KIF6: variants seen among roughly 807,000 people sequenced by gnomAD.
KIF6 encodes the protein kinesin-like protein KIF6.
In KIF6, 106 loss-of-function variants were observed where a neutral mutation model predicts 112.7. That is an observed-to-expected ratio of 0.94 (90% CI 0.80 to 1.11). The LOEUF is 1.11. Among genes scored for constraint, KIF6 ranks in the 50% least tolerant of loss-of-function variants. The pLI, the probability that KIF6 is intolerant of heterozygous loss-of-function variation, is 0.00. For synonymous variants in KIF6, 339 were observed against 339.9 expected, an observed-to-expected ratio of 1.00 and a Z score of 0.03; for missense variants, 929 against 964.0, an observed-to-expected ratio of 0.96 and a Z score of 0.48.
At chr6:39,602,991 C>G (rs958241592) in intron 6 of KIF6, among the ~76,000 whole-genome samples, 4 of 152,044 alleles carry the variant, frequency 2.6e-5, no homozygotes, top group Non-Finnish European at 5.9e-5. Context: ...AACCCTGGAA[C>G]AATCCAAAAA....
chr6:39,386,764 G>A (rs950532571), intron 15 of KIF6, among the ~76,000 whole-genome samples: 2 of 152,120 alleles, frequency 1.3e-5, no homozygotes, highest in African/African-American at 4.8e-5. Flanking sequence ...AAGGAGGGGT[G>A]AAACAGCAGC....
chr6:39,369,039 C>T (rs1466197588), intron 16 of KIF6, among the ~76,000 whole-genome samples: 1 of 152,220 alleles, frequency 6.6e-6, no homozygotes, highest in Non-Finnish European at 1.5e-5. Flanking sequence ...GCTCAGCTGT[C>T]TCACACAACC....
chr6:39,334,525 G>A lies in KIF6; in HGVS notation c.*2007C>T, dbSNP rs1477225379. The A allele has an allele frequency of 1.3e-5, 2 of 152,232 alleles. No homozygotes were observed. The highest frequency in any genetic ancestry group is 2.9e-5 in the Non-Finnish European group (2 of 68,200). 9.4% of individuals were successfully genotyped at this position (152,232 alleles called of 1,614,324 possible). ...AGCCCAGGAGTTGGAGGCTGAGTAT[G>A]GCTTGAGCCCAGGAGTTGGAGGCTG... is the stretch of plus-strand genomic sequence containing the variant. On this transcript the variant is annotated 3_prime_UTR_variant, in exon 23 of 23. Transcript: ENST00000287152.
chr6:39,668,162 T>C (rs1467940242), intron 3 of KIF6, among the ~76,000 whole-genome samples: 3 of 152,208 alleles, frequency 2.0e-5, no homozygotes, highest in African/African-American at 4.8e-5. Flanking sequence ...GTGAGCCAAA[T>C]TGATCTTGTC....
chr6:39,592,326 T>A (rs1420996770), intron 7 of KIF6, among the ~76,000 whole-genome samples: 1 of 152,170 alleles, frequency 6.6e-6, no homozygotes, highest in African/African-American at 2.4e-5. Context: ...TTAAAGACTT[T>A]AAACAAAAAA....
At chr6:39,497,179 A>C (rs1234707672) in intron 13 of KIF6, among the ~76,000 whole-genome samples, 1 of 152,244 alleles carries the variant, frequency 6.6e-6, no homozygotes, top group East Asian at 1.9e-4. Flanking sequence ...CCAGCCTGCC[A>C]AAATGTCAGC....
chr6:39,416,513 T>C (rs1769932804), intron 15 of KIF6, among the ~76,000 whole-genome samples: 1 of 152,192 alleles, frequency 6.6e-6, no homozygotes, highest in African/African-American at 2.4e-5. Flanking sequence ...AATTGGTTAC[T>C]CCTCCCATTT....
intron 13 of KIF6, among the ~76,000 whole-genome samples, chr6:39,457,251 A>G (rs1773183655): frequency 6.6e-6 from 1 of 151,444 alleles, no homozygotes; most frequent in South Asian, 2.1e-4. Context: ...GAAACTGAAC[A>G]ACCTGCTCCT....
intron 3 of KIF6, among the ~76,000 whole-genome samples, chr6:39,689,400 G>T (rs1011723878): frequency 1.3e-5 from 2 of 151,966 alleles, no homozygotes; most frequent in African/African-American, 4.8e-5. Flanking sequence ...GAAGGCTGAT[G>T]TGGGAGGATC....
chr6:39,685,349 G>A (rs1392406418), intron 3 of KIF6, among the ~76,000 whole-genome samples: 1 of 152,220 alleles, frequency 6.6e-6, no homozygotes, highest in Non-Finnish European at 1.5e-5. Flanking sequence ...GGAATTAGGT[G>A]CAGATGCAGG....
chr6:39,349,465 A>G (rs1259494428), intron 19 of KIF6, among the ~76,000 whole-genome samples: 2 of 151,842 alleles, frequency 1.3e-5, no homozygotes, highest in Non-Finnish European at 2.9e-5. Flanking sequence ...GAGAAGGGGG[A>G]TGTAAGGCAG....
At chr6:39,429,496 G>C (rs1167110950) in intron 14 of KIF6, among the ~76,000 whole-genome samples, 1 of 152,068 alleles carries the variant, frequency 6.6e-6, no homozygotes, top group Non-Finnish European at 1.5e-5. Context: ...AGCTTTTCCT[G>C]TTGTTTCTCT....
At chr6:39,425,647 A>G (rs1245936467) in intron 14 of KIF6, among the ~76,000 whole-genome samples, 1 of 140,022 alleles carries the variant, frequency 7.1e-6, no homozygotes, top group Admixed American at 7.7e-5. Context: ...TGTCATTCAC[A>G]AACAAAAAAA....
At chr6:39,468,368 A>C (rs1232289054) in intron 13 of KIF6, among the ~76,000 whole-genome samples, 6 of 152,204 alleles carry the variant, frequency 3.9e-5, no homozygotes, top group African/African-American at 1.2e-4. Context: ...TTATAGATCC[A>C]AGAGTCTTAA....
At chr6:39,724,452 CAAAA>C (rs33912709) in intron 1 of KIF6, among the ~76,000 whole-genome samples, 33 of 90,496 alleles carry the variant, frequency 3.6e-4, no homozygotes, top group African/African-American at 1.2e-3. Context: ...GACTCCGTCT[CAAAA>C]AAAAAAAAAA....
At chr6:39,566,624 C>T (rs1024757268) in intron 10 of KIF6, among the ~76,000 whole-genome samples, 4 of 152,104 alleles carry the variant, frequency 2.6e-5, no homozygotes, top group Admixed American at 2.0e-4. Flanking sequence ...TAACAGTATG[C>T]AATATTACAG....
chr6:39,570,099 T>C (rs1405888638), intron 10 of KIF6, among the ~76,000 whole-genome samples: 1 of 152,268 alleles, frequency 6.6e-6, no homozygotes, highest in African/African-American at 2.4e-5. Flanking sequence ...GTGTGGGTTT[T>C]ATAATACTAT....
rs1215911146 is a variant in KIF6, at chr6:39,586,276, C to T, written c.975G>A (p.Glu325=). The T allele has an allele frequency of 6.2e-7, 1 of 1,614,180 alleles. No individual in the cohort carries two copies. Among genetic ancestry groups the T allele is most frequent in the Admixed American group, 1.7e-5 (1 of 60,032 alleles). ...MTTMIATLSL[E]KRNLDESIST... ...GCCCACATACATCAAGATTCCTTTT[C>T]TCCAAGGAGAGTGTTGCAATCATAG... Residue 325 remains glutamate, a synonymous_variant, in exon 8 of 23, where the codon GAG becomes GAA. Transcript: ENST00000287152.
intron 13 of KIF6, among the ~76,000 whole-genome samples, chr6:39,502,809 T>C (rs2150494995): frequency 6.6e-6 from 1 of 152,340 alleles, no homozygotes; most frequent in South Asian, 2.1e-4. Context: ...ACTAAATATA[T>C]ATGCACTCAA....
Sources: gnomAD v4.1 joint callset for allele counts (sites outside exome capture counted in the v4.1 genomes callset) on GRCh38, gnomAD v4.1.1 for gene constraint, MANE v1.5 for transcripts, NCBI Gene and HGNC (gene_info 2026-07-23, HGNC 2026-07-21) for gene names.